The following TMEFF2 variants were observed in gnomAD, a reference collection of about 807,000 sequenced individuals.
The protein encoded by TMEFF2 is tomoregulin-2.
In TMEFF2, 28 loss-of-function variants were observed where a neutral mutation model predicts 53.8. That is an observed-to-expected ratio of 0.52 (90% CI 0.39 to 0.71). The LOEUF (loss-of-function observed/expected upper bound fraction) is 0.71, where lower values mean the gene tolerates loss of function less well. Ranked by LOEUF, TMEFF2 falls within the 30% of genes least tolerant of loss-of-function variation. TMEFF2 has a pLI of 0.00. For missense variants in TMEFF2, 353 were observed against 455.2 expected (o/e 0.78, Z 2.04); for synonymous variants, 162 against 166.3 (o/e 0.97, Z 0.20).
At position 192,025,876 on chromosome 2, in the gene TMEFF2, A is replaced by G. The variant is rs562899403; in HGVS notation, c.537-26668T>C. On this transcript the variant is annotated intron_variant, in intron 5 of 9. Transcript: ENST00000272771. ...AGCACAGCTGCTTTTGCCGCTTAAT[A>G]CAAAGAGAAAAATACATCCCTGACT... 3.3e-5 allele frequency among the ~76,000 whole-genome samples: 5 copies of G among 152,316 alleles called. No homozygotes were observed. The South Asian group carries it at 1.0e-3, about 32-fold the overall frequency.
chr2:192,017,585 T>C (rs1686771018), intron 5 of TMEFF2, among the ~76,000 whole-genome samples: 1 of 152,200 alleles, frequency 6.6e-6, no homozygotes, highest in Admixed American at 6.5e-5. Context: ...TCCTTGTACC[T>C]CTCTTTCCCC....
chr2:192,000,183 CAT>C (rs557121452), intron 5 of TMEFF2, among the ~76,000 whole-genome samples: 7 of 151,852 alleles, frequency 4.6e-5, no homozygotes, highest in Non-Finnish European at 8.8e-5. Flanking sequence ...AATATAAACT[CAT>C]ATTTTAAATT....
intron 4 of TMEFF2, among the ~76,000 whole-genome samples, chr2:192,166,891 T>A (rs908222307): frequency 7.9e-5 from 12 of 152,178 alleles, no homozygotes; most frequent in African/African-American, 2.9e-4. Context: ...ATATATGAAT[T>A]TTTTAGAACA....
chr2:191,991,763 C>A (rs1299527689), intron 7 of TMEFF2, among the ~76,000 whole-genome samples: 2 of 152,028 alleles, frequency 1.3e-5, no homozygotes, highest in Non-Finnish European at 2.9e-5. Context: ...ATGCAGGATG[C>A]GTTTATGAAC....
In TMEFF2 at chr2:192,039,938, T is replaced by A. The variant is rs191289746; in HGVS notation, c.536+17741A>T. 6.7e-4 allele frequency among the ~76,000 whole-genome samples: 102 copies of A among 152,214 alleles called. 1 individual carries two copies. Among genetic ancestry groups the A allele is most frequent in the Non-Finnish European group, 1.8e-4 (12 of 67,954 alleles). On this transcript the variant is annotated intron_variant, in intron 5 of 9. Transcript: ENST00000272771. ...GGCTCATATAACTATAACAATGATA[T>A]GCCTGGATACCAGTATTCAAGTTTT...
rs1436651815 is a variant in TMEFF2, at chr2:191,949,540, AT to A, written c.*770del. 1 of 985,234 alleles carries A rather than the reference AT, an allele frequency of 1.0e-6. No homozygotes were observed. The highest frequency in any genetic ancestry group is 1.7e-5 in the African/African-American group (1 of 57,208). 61.0% of individuals were successfully genotyped at this position (985,234 alleles called of 1,614,324 possible). On this transcript the variant is annotated 3_prime_UTR_variant, in exon 10 of 10. Transcript: ENST00000272771. ...AATTCCACCCACCTAAATGGAATAT[AT>A]TTTGCCACTCTGTGTATACCTAGTA... is the stretch of plus-strand genomic sequence containing the variant.
intron 5 of TMEFF2, among the ~76,000 whole-genome samples, chr2:192,041,032 T>G (rs1439002564): frequency 6.6e-6 from 1 of 152,108 alleles, no homozygotes; most frequent in Non-Finnish European, 1.5e-5. Context: ...GAAGAAAATA[T>G]TGGAATAAAT....
At chr2:192,135,984 G>T (rs1224281000) in intron 4 of TMEFF2, among the ~76,000 whole-genome samples, 1 of 151,230 alleles carries the variant, frequency 6.6e-6, no homozygotes. Context: ...CTATAAAACG[G>T]CCCCACCCCT....
At position 191,949,185 on chromosome 2, in the gene TMEFF2, G is replaced by A; in HGVS notation, c.*1126C>T. The A allele has an allele frequency of 5.1e-6, 5 of 985,274 alleles. No individual in the cohort carries two copies. Among genetic ancestry groups the A allele is most frequent in the Non-Finnish European group, 6.0e-6 (5 of 829,870 alleles). The allele number at this position is 985,274 out of a possible 1,614,324, so 61.0% of individuals were successfully genotyped here. A position where few individuals can be genotyped will look rare whatever the true frequency, so the allele number is the denominator to read the frequency against. Reference sequence around the variant, plus strand: ...CAGCTTATTTTTTCCAGATCAAGTTGTGATACCTATTTGTATGCACAAATC... The same window carrying A: ...CAGCTTATTTTTTCCAGATCAAGTTATGATACCTATTTGTATGCACAAATC... On this transcript the variant is annotated 3_prime_UTR_variant, in exon 10 of 10. Coordinates refer to ENST00000272771, the MANE Select transcript of TMEFF2 (RefSeq NM_016192.4).
chr2:191,985,804 T>C (rs974116023), intron 7 of TMEFF2, among the ~76,000 whole-genome samples: 6 of 152,234 alleles, frequency 3.9e-5, no homozygotes, highest in Admixed American at 1.3e-4. Flanking sequence ...ATATCCTCAC[T>C]GTCCTTGTTG....
intron 1 of TMEFF2, among the ~76,000 whole-genome samples, chr2:192,192,246 G>A (rs995817907): frequency 5.3e-5 from 8 of 151,030 alleles, no homozygotes; most frequent in Non-Finnish European, 2.9e-5. Flanking sequence ...TAAAGCTTGC[G>A]TTAATACTGA....
chr2:192,178,852 G>A (rs1691115218), intron 4 of TMEFF2: 1 of 151,026 alleles, frequency 6.6e-6, no homozygotes, highest in Non-Finnish European at 1.5e-5. Context: ...GCTTTTATTT[G>A]TTTTGTTTTT....
chr2:191,973,145 G>A (rs894975582), intron 7 of TMEFF2, among the ~76,000 whole-genome samples: 1 of 152,130 alleles, frequency 6.6e-6, no homozygotes, highest in Non-Finnish European at 1.5e-5. Flanking sequence ...AGTGAGAAAT[G>A]CTTTTAAGCA....
chr2:192,020,295 TAG>T (rs1478745570), intron 5 of TMEFF2, among the ~76,000 whole-genome samples: 1 of 152,106 alleles, frequency 6.6e-6, no homozygotes, highest in Non-Finnish European at 1.5e-5. Context: ...TTTTTATGTG[TAG>T]AGACTTGCAT....
chr2:192,069,397 AC>A lies in TMEFF2; in HGVS notation c.440-11623del, dbSNP rs199693055. Reference sequence around the variant, plus strand: ...CATACTTCATTTTAAATCATCACACACAAAAAAAATAGATAACAAGAAGAAA... The same window carrying A: ...CATACTTCATTTTAAATCATCACACAAAAAAAAATAGATAACAAGAAGAAA... On this transcript the variant is annotated intron_variant, in intron 4 of 9. Transcript: ENST00000272771. 1.7e-4 allele frequency among the ~76,000 whole-genome samples: 25 copies of A among 150,594 alleles called. No individual in the cohort carries two copies. The South Asian group carries it at 2.5e-3, about 15-fold the overall frequency.
At chr2:192,188,837 A>T (rs199508195) in intron 2 of TMEFF2, among the ~76,000 whole-genome samples, 43 of 46,694 alleles carry the variant, frequency 9.2e-4, no homozygotes, top group Admixed American at 1.4e-3. Flanking sequence ...CTATCTATCT[A>T]TCTATCTATC....
At chr2:191,996,572 TG>T (rs1686227245) in intron 7 of TMEFF2, among the ~76,000 whole-genome samples, 1 of 151,966 alleles carries the variant, frequency 6.6e-6, no homozygotes, top group South Asian at 2.1e-4. Flanking sequence ...TTATTATTTT[TG>T]ATAATATTTC....
chr2:191,977,526 A>T (rs1685759812), intron 7 of TMEFF2, among the ~76,000 whole-genome samples: 1 of 152,248 alleles, frequency 6.6e-6, no homozygotes, highest in South Asian at 2.1e-4. Flanking sequence ...GTCAGTAAAG[A>T]TACACTTCAT....
At chr2:192,141,459 GAAAAAAA>G (rs397987092) in intron 4 of TMEFF2, among the ~76,000 whole-genome samples, 3 of 107,230 alleles carry the variant, frequency 2.8e-5, no homozygotes, top group African/African-American at 7.3e-5. Context: ...TCTCAAAAAA[GAAAAAAA>G]AAAAAAAAAA....
Sources: gnomAD v4.1 joint callset for allele counts (sites outside exome capture counted in the v4.1 genomes callset) on GRCh38, gnomAD v4.1.1 for gene constraint, MANE v1.5 for transcripts, NCBI Gene and HGNC (gene_info 2026-07-23, HGNC 2026-07-21) for gene names.